The following HECW1 variants were observed in gnomAD, a reference collection of about 807,000 sequenced individuals.
The protein encoded by HECW1 is HECT, C2 and WW domain containing E3 ubiquitin protein ligase 1, also known as E3 ubiquitin-protein ligase HECW1.
A neutral mutation model predicts 182.3 loss-of-function variants in HECW1; 61 were observed. The observed-to-expected ratio is 0.33, with a 90% CI of 0.27 to 0.41. The LOEUF is 0.41. HECW1 is among the 10% of genes least tolerant of loss of function. The pLI, the probability that HECW1 is intolerant of heterozygous loss-of-function variation, is 1.00. For synonymous variants in HECW1, 859 were observed against 832.6 expected (o/e 1.03, Z -0.55); for missense variants, 1,739 against 2,108.9 (o/e 0.82, Z 3.44).
Position 43,360,932 on chromosome 7 carries a change from C to T in HECW1, c.507C>T (p.Ala169=), listed in dbSNP as rs1419479427. ...CFKYYHGVSG[A]LRATTPSVTV... ...AATACTACCATGGAGTGAGTGGGGC[C>T]CTGCGAGCAACCACCCCCAGTGTCA... The change falls in exon 6 of 30, where the codon GCC becomes GCT. Residue 169 remains alanine (A), a synonymous_variant. Transcript: ENST00000395891. The T allele has an allele frequency of 1.9e-6, 3 of 1,613,830 alleles. No individual in the cohort carries two copies. The highest frequency in any genetic ancestry group is 2.5e-6 in the Non-Finnish European group (3 of 1,179,926).
chr7:43,255,597 A>G (rs1249977446), intron 3 of HECW1, among the ~76,000 whole-genome samples: 2 of 97,290 alleles, frequency 2.1e-5, no homozygotes, highest in East Asian at 2.6e-4. Context: ...AACTCTGTCT[A>G]AAAAAAAAAA....
chr7:43,349,661 T>C (rs1160682620), intron 5 of HECW1, among the ~76,000 whole-genome samples: 1 of 152,232 alleles, frequency 6.6e-6, no homozygotes, highest in South Asian at 2.1e-4. Flanking sequence ...TTTTGTCTTA[T>C]ATAATAATAG....
At chr7:43,526,262 T>C (rs2152942948) in intron 24 of HECW1, among the ~76,000 whole-genome samples, 1 of 152,364 alleles carries the variant, frequency 6.6e-6, no homozygotes, top group East Asian at 1.9e-4. Flanking sequence ...TACAGAATGC[T>C]ACATCAGTTT....
At chr7:43,248,870 T>TCTCTA (rs1799734304) in intron 3 of HECW1, 1 of 152,286 alleles carries the variant, frequency 6.6e-6, no homozygotes, top group South Asian at 2.1e-4. Context: ...TGAATCTGTG[T>TCTCTA]GCATGTGAGG....
chr7:43,232,123 A>G (rs1002803825), intron 2 of HECW1, among the ~76,000 whole-genome samples: 2 of 152,148 alleles, frequency 1.3e-5, no homozygotes, highest in African/African-American at 4.8e-5. Flanking sequence ...TGGAATTTCA[A>G]TGAAAGAAAG....
chr7:43,533,389 C>T (rs2081065176), intron 24 of HECW1, among the ~76,000 whole-genome samples: 1 of 152,118 alleles, frequency 6.6e-6, no homozygotes, highest in Non-Finnish European at 1.5e-5. Flanking sequence ...CTGACACAAA[C>T]CACCTGGCTG....
intron 5 of HECW1, among the ~76,000 whole-genome samples, chr7:43,325,705 G>C (rs1013396882): frequency 1.3e-5 from 2 of 152,054 alleles, no homozygotes; most frequent in African/African-American, 2.4e-5. Context: ...CAACCTCCGT[G>C]CCTTGCCCTA....
At chr7:43,357,951 A>G (rs750472939) in intron 5 of HECW1, among the ~76,000 whole-genome samples, 1 of 152,226 alleles carries the variant, frequency 6.6e-6, no homozygotes, top group Non-Finnish European at 1.5e-5. Context: ...GAAGTGTTCC[A>G]TGAATTCTTG....
intron 3 of HECW1, among the ~76,000 whole-genome samples, chr7:43,291,834 A>G (rs1368601566): frequency 1.3e-5 from 2 of 152,264 alleles, no homozygotes. Flanking sequence ...AGTAGATTTC[A>G]AAGTATTATC....
chr7:43,172,017 T>A (rs1791741064), intron 2 of HECW1, among the ~76,000 whole-genome samples: 1 of 151,724 alleles, frequency 6.6e-6, no homozygotes, highest in Non-Finnish European at 1.5e-5. Context: ...GTGGCTCACA[T>A]CTGTAATCCC....
Position 43,225,490 on chromosome 7 carries a change from G to A in HECW1, c.-31-18385G>A, listed in dbSNP as rs114766916. On this transcript the variant is annotated intron_variant, in intron 2 of 29. Transcript: ENST00000395891. ...CTTGAAATAGCAAAATAAAAAAACT[G>A]GAAACAACCTAAATGCTCATCTGTA... Among the ~76,000 whole-genome samples, 614 of 152,084 alleles carry A rather than the reference G, an allele frequency of 4.0e-3. 3 individuals are homozygous for A. The highest frequency in any genetic ancestry group is 0.014 in the African/African-American group (589 of 41,476).
chr7:43,396,965 C>A, intron 7 of HECW1, 76 bp downstream of exon 7: 1 of 1,039,732 alleles, frequency 9.6e-7, no homozygotes, highest in Non-Finnish European at 1.5e-6. Context: ...ACTTCCATTT[C>A]ACTCTTACCT....
At chr7:43,501,520 A>G (rs1288965679) in intron 21 of HECW1, among the ~76,000 whole-genome samples, 198 bp downstream of exon 21, 1 of 152,146 alleles carries the variant, frequency 6.6e-6, no homozygotes, top group African/African-American at 2.4e-5. Flanking sequence ...TGGGGTTTAC[A>G]GTTTGAAATG....
At chr7:43,391,592 G>T (rs997623187) in intron 6 of HECW1, among the ~76,000 whole-genome samples, 1 of 152,190 alleles carries the variant, frequency 6.6e-6, no homozygotes, top group Non-Finnish European at 1.5e-5. Flanking sequence ...TGTCCCTGAG[G>T]TTGGGGAGAT....
At chr7:43,404,311 CAT>C (rs1374613574) in intron 7 of HECW1, among the ~76,000 whole-genome samples, 1 of 152,140 alleles carries the variant, frequency 6.6e-6, no homozygotes, top group African/African-American at 2.4e-5. Context: ...AATGAAGAAA[CAT>C]GTGCTCTTGA....
chr7:43,233,689 C>T (rs1798070525), intron 2 of HECW1, among the ~76,000 whole-genome samples: 2 of 152,332 alleles, frequency 1.3e-5, no homozygotes, highest in South Asian at 4.1e-4. Context: ...TGCAACTGGA[C>T]TCTGAAGATC....
At chr7:43,122,296 G>A (rs1474892710) in intron 2 of HECW1, among the ~76,000 whole-genome samples, 2 of 152,326 alleles carry the variant, frequency 1.3e-5, no homozygotes, top group African/African-American at 4.8e-5. Flanking sequence ...GCCATGAATA[G>A]TGTCAGACCG....
intron 2 of HECW1, among the ~76,000 whole-genome samples, chr7:43,229,912 A>G (rs972864139): frequency 1.3e-5 from 2 of 152,152 alleles, no homozygotes; most frequent in African/African-American, 4.8e-5. Flanking sequence ...CTTTTTTGCC[A>G]TACTTTTGAT....
At chr7:43,284,502 C>CAAAAAAAAAAAAAA (rs1165081149) in intron 3 of HECW1, among the ~76,000 whole-genome samples, 5 of 53,736 alleles carry the variant, frequency 9.3e-5, no homozygotes, top group Admixed American at 2.2e-4. Flanking sequence ...CCCATTTCTA[C>CAAAAAAAAAAAAAA]AAAAAAAAAA....
Sources: allele counts gnomAD v4.1 joint callset (sites outside exome capture counted in the v4.1 genomes callset), GRCh38; gene constraint gnomAD v4.1.1; transcripts MANE v1.5; gene names NCBI Gene and HGNC (gene_info 2026-07-23, HGNC 2026-07-21).